Variants in FNDC3B observed in about 807,000 individuals in gnomAD.
FNDC3B encodes the protein fibronectin type III domain containing 3B, also known as fibronectin type III domain-containing protein 3B.
FNDC3B carries 12 observed loss-of-function variants against 151.5 expected under a neutral mutation model. The ratio of observed to expected loss-of-function variants is 0.08; its 90% confidence interval spans 0.05 to 0.13. FNDC3B has a LOEUF of 0.13. FNDC3B is among the 10% of genes least tolerant of loss of function. FNDC3B has a pLI of 1.00. For synonymous variants in FNDC3B, 528 were observed against 549.0 expected, an observed-to-expected ratio of 0.96 and a Z score of 0.54; for missense variants, 1,214 against 1,505.3, an observed-to-expected ratio of 0.81 and a Z score of 3.20.
At chr3:172,316,757 A>G (rs2108263768) in intron 11 of FNDC3B, among the ~76,000 whole-genome samples, 1 of 152,382 alleles carries the variant, frequency 6.6e-6, no homozygotes, top group South Asian at 2.1e-4. Context: ...GATGATATAT[A>G]TCAATGATAT....
intron 1 of FNDC3B, among the ~76,000 whole-genome samples, chr3:172,104,079 A>G (rs1002417294): frequency 2.0e-5 from 3 of 152,180 alleles, no homozygotes; most frequent in Non-Finnish European, 2.9e-5. Flanking sequence ...TTCTTTTCTC[A>G]ACATTTTACT....
At chr3:172,276,295 G>A (rs1729429169) in intron 6 of FNDC3B, among the ~76,000 whole-genome samples, 1 of 152,128 alleles carries the variant, frequency 6.6e-6, no homozygotes, top group African/African-American at 2.4e-5. Flanking sequence ...CAAGGAAGTG[G>A]ACAAAGAGGC....
chr3:172,142,085 C>A (rs888983494), intron 3 of FNDC3B, among the ~76,000 whole-genome samples: 1 of 152,172 alleles, frequency 6.6e-6, no homozygotes, highest in African/African-American at 2.4e-5. Flanking sequence ...TAATTTCTCT[C>A]TGGAAGGATT....
At chr3:172,110,059 G>A (rs530667845) in intron 1 of FNDC3B, among the ~76,000 whole-genome samples, 1 of 152,250 alleles carries the variant, frequency 6.6e-6, no homozygotes, top group East Asian at 1.9e-4. Context: ...GTGCTTAAGG[G>A]TGCTATTTAG....
intron 7 of FNDC3B, among the ~76,000 whole-genome samples, chr3:172,292,025 C>G (rs1343295732): frequency 6.6e-6 from 1 of 152,192 alleles, no homozygotes; most frequent in East Asian, 1.9e-4. Flanking sequence ...AAGTGACATT[C>G]TCTTGAAAGA....
At chr3:172,328,929 A>G (rs771754575) in intron 11 of FNDC3B, 23 bp from the exon 12 acceptor site, 40 of 1,547,696 alleles carry the variant, frequency 2.6e-5, no homozygotes, top group Non-Finnish European at 3.3e-5. Context: ...AAGTATATGC[A>G]TTGTTTCATT....
intron 3 of FNDC3B, among the ~76,000 whole-genome samples, chr3:172,206,366 T>C (rs1725423211): frequency 6.6e-6 from 1 of 152,160 alleles, no homozygotes; most frequent in Admixed American, 6.5e-5. Flanking sequence ...TCAAAGAAAG[T>C]GTACTTGAAA....
At chr3:172,310,427 G>A (rs920165761) in intron 10 of FNDC3B, among the ~76,000 whole-genome samples, 1 of 152,200 alleles carries the variant, frequency 6.6e-6, no homozygotes, top group Non-Finnish European at 1.5e-5. Flanking sequence ...GTTATAAAAA[G>A]AAAGGCTTGA....
chr3:172,373,595 A>T (rs895217669), intron 23 of FNDC3B, among the ~76,000 whole-genome samples: 9 of 152,250 alleles, frequency 5.9e-5, no homozygotes, highest in African/African-American at 2.2e-4. Context: ...TTACTTATTA[A>T]TGAATTCTGA....
At chr3:172,164,718 C>G (rs1722928157) in intron 3 of FNDC3B, among the ~76,000 whole-genome samples, 1 of 152,152 alleles carries the variant, frequency 6.6e-6, no homozygotes, top group Admixed American at 6.6e-5. Flanking sequence ...ATATGTAGTG[C>G]ATTCTCACTG....
At chr3:172,145,102 A>AT in intron 3 of FNDC3B, among the ~76,000 whole-genome samples, 1 of 152,020 alleles carries the variant, frequency 6.6e-6, no homozygotes, top group Non-Finnish European at 1.5e-5. Context: ...TAATTTAAAT[A>AT]TAATACCTTT....
chr3:172,298,627 G>C, intron 8 of FNDC3B, 101 bp from the exon 9 acceptor site: 1 of 604,942 alleles, frequency 1.7e-6, no homozygotes, highest in Non-Finnish European at 2.9e-6. Context: ...TGACATAATA[G>C]TTCATGAATT....
chr3:172,260,063 C>G (rs895053555), intron 6 of FNDC3B, among the ~76,000 whole-genome samples: 2 of 152,132 alleles, frequency 1.3e-5, no homozygotes, highest in African/African-American at 4.8e-5. Context: ...TGCCTTTTTG[C>G]TTTCTTGGGA....
chr3:172,178,431 A>G (rs1374467097), intron 3 of FNDC3B, among the ~76,000 whole-genome samples: 1 of 151,686 alleles, frequency 6.6e-6, no homozygotes, highest in Admixed American at 6.6e-5. Flanking sequence ...AGCAAGAGTG[A>G]GAAGAGAAGA....
In FNDC3B at chr3:172,067,430, A is replaced by G. The variant is rs535104258; in HGVS notation, c.-29+27659A>G. Among the ~76,000 whole-genome samples the G allele has an allele frequency of 3.3e-5, 5 of 152,276 alleles. No homozygotes were observed. In the East Asian group the frequency reaches 9.6e-4, roughly 29 times the overall value. ...GAGGCTTTTCTGCGTTCACTAAGGC[A>G]CCAGAGTCGGACTCTGCTTTTTTTC... is the stretch of plus-strand genomic sequence containing the variant. On this transcript the variant is annotated intron_variant, in intron 1 of 25. Transcript: ENST00000415807.
chr3:172,132,559 C>G (rs1371346779), intron 2 of FNDC3B, among the ~76,000 whole-genome samples: 1 of 152,112 alleles, frequency 6.6e-6, no homozygotes, highest in African/African-American at 2.4e-5. Context: ...GCACCTGCCA[C>G]CACGCCTGGT....
intron 1 of FNDC3B, among the ~76,000 whole-genome samples, chr3:172,095,744 C>G (rs1466197160): frequency 6.6e-6 from 1 of 152,140 alleles, no homozygotes; most frequent in Non-Finnish European, 1.5e-5. Flanking sequence ...ATCAAAATCA[C>G]TATGAACACT....
intron 13 of FNDC3B, among the ~76,000 whole-genome samples, chr3:172,331,661 G>A (rs1394248082): frequency 1.3e-5 from 2 of 152,040 alleles, no homozygotes; most frequent in African/African-American, 2.4e-5. Flanking sequence ...CACCCAGCCA[G>A]CCTCTAGTCA....
At chr3:172,254,204 A>C (rs541815252) in intron 6 of FNDC3B, among the ~76,000 whole-genome samples, 3 of 152,202 alleles carry the variant, frequency 2.0e-5, no homozygotes, top group Non-Finnish European at 4.4e-5. Context: ...GTTAATATAA[A>C]TACATGTATT....
Sources: gnomAD v4.1 joint callset for allele counts (sites outside exome capture counted in the v4.1 genomes callset) on GRCh38, gnomAD v4.1.1 for gene constraint, MANE v1.5 for transcripts, NCBI Gene and HGNC (gene_info 2026-07-23, HGNC 2026-07-21) for gene names.